HK1: variants seen among roughly 807,000 people sequenced by gnomAD.
The protein encoded by HK1 is hexokinase 1.
HK1 carries 28 observed loss-of-function variants against 91.6 expected under a neutral mutation model. The ratio of observed to expected loss-of-function variants is 0.31; its 90% CI spans 0.23 to 0.42. The LOEUF (loss-of-function observed/expected upper bound fraction) is 0.42, where lower values mean the gene tolerates loss of function less well. HK1 is among the 10% of genes least tolerant of loss of function. The pLI, the probability that HK1 is intolerant of heterozygous loss-of-function variation, is 1.00. For missense variants in HK1, 770 were observed against 1,219.8 expected (o/e 0.63, Z 5.49); for synonymous variants, 430 against 468.1 (o/e 0.92, Z 1.05).
In HK1 at chr10:69,295,646, A is replaced by C. The variant is rs756586423; in HGVS notation, c.-101A>C. The C allele has an allele frequency of 5.6e-6, 9 of 1,609,906 alleles. No individual in the cohort carries two copies. In the South Asian group the frequency reaches 9.9e-5, roughly 18 times the overall value. ...TCTTTCTCTAAGGCTACAGCAGCTG[A>C]AAAACCAAAACTTCATCTACTTGCT... On this transcript the variant is annotated 5_prime_UTR_variant, in exon 4 of 22. Transcript: ENST00000360289.
chr10:69,317,892 A>C (rs1846732068), upstream of HK1, among the ~76,000 whole-genome samples: 1 of 152,258 alleles, frequency 6.6e-6, no homozygotes, highest in Admixed American at 6.5e-5. Flanking sequence ...AGAATCCTAA[A>C]GTGGCTGTCC....
intron 5 of HK1, among the ~76,000 whole-genome samples, chr10:69,310,064 A>G (rs1274506468): frequency 1.3e-5 from 2 of 151,286 alleles, no homozygotes; most frequent in African/African-American, 4.8e-5. Context: ...AAAAAAAAAA[A>G]AAGAGATTGT....
chr10:69,368,558 A>G lies in HK1; in HGVS notation c.518A>G (p.Lys173Arg), dbSNP rs1564546747. 3 of 1,614,210 alleles carry G rather than the reference A, an allele frequency of 1.9e-6. No homozygotes were observed. Among genetic ancestry groups the G allele is most frequent in the South Asian group, 1.1e-5 (1 of 91,082 alleles). Residue 173 changes from lysine (K) to arginine (R), a missense_variant, in exon 5 of 18, where the codon AAG becomes AGG. By Grantham distance (26) the Lys-to-Arg change is conservative (BLOSUM62 2). This residue lies in a region of HK1 where 449 missense variants were observed against 665.1 expected (regional missense o/e 0.68). Transcript: ENST00000359426. The part of the protein sequence containing the change: ...IDEAILITWT[K>R]RFKASGVEGA... ...CAGGCCATCCTGATCACCTGGACAA[A>G]GCGATTTAAAGCGAGCGGAGTGGAA...
chr10:69,319,246 T>C lies in HK1; in HGVS notation c.63+236T>C, dbSNP rs1846865529. The C allele has an allele frequency of 8.1e-6, 5 of 613,758 alleles. No homozygotes were observed. The East Asian group carries it at 8.4e-5, about 10-fold the overall frequency. 38.0% of individuals were successfully genotyped at this position (613,758 alleles called of 1,614,324 possible). The stretch of plus-strand genomic sequence containing the variant: ...GGGCGGAAGACCCCCGAGACCGGGC[T>C]GCCTGCTGCAGTGTCCTTGAAACGG... On this transcript the variant is annotated intron_variant, in intron 1 of 17. Coordinates refer to ENST00000359426, the MANE Select transcript of HK1 (RefSeq NM_000188.3).
At chr10:69,281,019 T>A (rs1211220968) in intron 1 of HK1, among the ~76,000 whole-genome samples, 1 of 152,230 alleles carries the variant, frequency 6.6e-6, no homozygotes, top group African/African-American at 2.4e-5. Flanking sequence ...CAGACTCTTA[T>A]CAGACCTCTC....
chr10:69,338,474 C>A, intron 1 of HK1: 1 of 1,283,546 alleles, frequency 7.8e-7, no homozygotes, highest in Non-Finnish European at 1.0e-6. Flanking sequence ...GTCATGACTC[C>A]TGGGAACCTC....
intron 3 of HK1, among the ~76,000 whole-genome samples, chr10:69,291,971 C>A (rs1160766454): frequency 6.6e-6 from 1 of 152,160 alleles, no homozygotes; most frequent in Admixed American, 6.5e-5. Flanking sequence ...GCAGTTTTGG[C>A]TTTGGGCATG....
chr10:69,317,709 C>T (rs117941469), upstream of HK1, among the ~76,000 whole-genome samples: 44 of 152,334 alleles, frequency 2.9e-4, no homozygotes, highest in Admixed American at 4.6e-4. Flanking sequence ...CCTAGATCTA[C>T]AACTTCCTGG....
intron 5 of HK1, among the ~76,000 whole-genome samples, chr10:69,301,477 G>A (rs1324986927): frequency 6.8e-6 from 1 of 147,338 alleles, no homozygotes; most frequent in Admixed American, 6.8e-5. Flanking sequence ...GGGAGGCTGA[G>A]GCAGGAGAAT....
chr10:69,383,117 G>C (rs1252348675), intron 10 of HK1, among the ~76,000 whole-genome samples: 1 of 152,112 alleles, frequency 6.6e-6, no homozygotes, highest in African/African-American at 2.4e-5. Flanking sequence ...TGGGAGGACT[G>C]CTTGAGCCCA....
chr10:69,281,734 G>T (rs965657764), intron 1 of HK1, among the ~76,000 whole-genome samples: 7 of 152,196 alleles, frequency 4.6e-5, no homozygotes, highest in Non-Finnish European at 8.8e-5. Flanking sequence ...GTGGGGAATG[G>T]TGGTGAGTCA....
intron 1 of HK1, among the ~76,000 whole-genome samples, chr10:69,331,625 G>A (rs1461114372): frequency 6.6e-6 from 1 of 152,118 alleles, no homozygotes; most frequent in African/African-American, 2.4e-5. Flanking sequence ...CTGTAATCCT[G>A]GCACTTTAGA....
At chr10:69,278,606 G>C (rs1406950048) in intron 1 of HK1, 1 of 152,216 alleles carries the variant, frequency 6.6e-6, no homozygotes, top group Non-Finnish European at 1.5e-5. Context: ...ACGGCGTCTG[G>C]AGTTTTGCAC....
At chr10:69,326,627 A>G (rs1847392683) in intron 1 of HK1, among the ~76,000 whole-genome samples, 1 of 152,224 alleles carries the variant, frequency 6.6e-6, no homozygotes, top group Admixed American at 6.5e-5. Flanking sequence ...ACAAATCAAT[A>G]CATTTGAGTT....
chr10:69,344,061 G>T, intron 2 of HK1, 72 bp downstream of exon 2: 1 of 1,481,982 alleles, frequency 6.7e-7, no homozygotes, highest in Non-Finnish European at 9.4e-7. Flanking sequence ...AACTTCATTT[G>T]TTCATACATT....
intron 13 of HK1, 107 bp from the exon 14 acceptor site, chr10:69,389,090 G>C: frequency 1.2e-6 from 1 of 809,468 alleles, no homozygotes; most frequent in South Asian, 1.4e-5. Context: ...AACCATCTTA[G>C]ATGATGACCA....
Position 69,276,684 on chromosome 10 carries a change from A to G in HK1, c.-390-5845A>G, listed in dbSNP as rs558138996. Among the ~76,000 whole-genome samples the G allele has an allele frequency of 5.4e-3, 819 of 151,532 alleles. 6 individuals carry two copies. Among genetic ancestry groups the G allele is most frequent in the Non-Finnish European group, 9.3e-3 (630 of 67,862 alleles). On this transcript the variant is annotated intron_variant, in intron 1 of 21. Transcript: ENST00000360289. ...AAAAAAAAATTAATATCTTAATTTT[A>G]AGATATTAATTTTAAATGATTAAAA...
intron 14 of HK1, among the ~76,000 whole-genome samples, chr10:69,390,987 G>T (rs967591449): frequency 6.6e-6 from 1 of 152,220 alleles, no homozygotes; most frequent in African/African-American, 2.4e-5. Context: ...CAGGATGCTT[G>T]CCTTCAGTTT....
chr10:69,382,913 T>C (rs1404187518), intron 10 of HK1, 122 bp downstream of exon 10: 2 of 868,324 alleles, frequency 2.3e-6, no homozygotes, highest in African/African-American at 3.3e-5. Context: ...TTGCCAGAGC[T>C]AGAAACTCCC....
Sources: allele counts gnomAD v4.1 joint callset (sites outside exome capture counted in the v4.1 genomes callset), GRCh38; gene constraint gnomAD v4.1.1; regional missense constraint gnomAD v4.1.1; transcripts MANE v1.5; gene names NCBI Gene and HGNC (gene_info 2026-07-23, HGNC 2026-07-21).